CACNA1C: variants seen among roughly 807,000 people sequenced by gnomAD.
The protein encoded by CACNA1C is calcium voltage-gated channel subunit alpha1 C, also known as voltage-dependent L-type calcium channel subunit alpha-1C.
Under a neutral mutation model 229.0 loss-of-function variants are expected in CACNA1C, and 30 were observed. The observed-to-expected ratio is 0.13, with a 90% CI of 0.10 to 0.18. The LOEUF (loss-of-function observed/expected upper bound fraction) is 0.18. CACNA1C is among the 10% of genes least tolerant of loss of function. The probability of loss-of-function intolerance (pLI) is 1.00; values close to 1 mark genes in which losing one functional copy is unlikely to be tolerated. For synonymous variants in CACNA1C, 1,114 were observed against 1,132.5 expected, an observed-to-expected ratio of 0.98 and a Z score of 0.33; for missense variants, 1,658 against 2,845.0, an observed-to-expected ratio of 0.58 and a Z score of 9.49.
At chr12:2,309,345 G>A (rs1362200603) in intron 3 of CACNA1C, among the ~76,000 whole-genome samples, 1 of 152,156 alleles carries the variant, frequency 6.6e-6, no homozygotes, top group East Asian at 1.9e-4. Flanking sequence ...AGGGGCTTGG[G>A]GGAAGAGGTA....
At chr12:2,343,452 C>T (rs547303139) in intron 3 of CACNA1C, among the ~76,000 whole-genome samples, 5 of 152,156 alleles carry the variant, frequency 3.3e-5, no homozygotes, top group African/African-American at 7.2e-5. Context: ...ACAAGATGCC[C>T]AGCTGGATTT....
chr12:2,416,311 G>A (rs967425310), intron 3 of CACNA1C, among the ~76,000 whole-genome samples: 4 of 152,038 alleles, frequency 2.6e-5, no homozygotes, highest in Non-Finnish European at 4.4e-5. Context: ...AGGCACATTG[G>A]AGATGCTCTA....
intron 3 of CACNA1C, among the ~76,000 whole-genome samples, chr12:2,271,829 G>A (rs1444908211): frequency 1.3e-5 from 2 of 152,128 alleles, no homozygotes; most frequent in Non-Finnish European, 2.9e-5. Context: ...CCAGGAGTTT[G>A]AGGCTGCAGT....
chr12:2,309,982 T>G lies in CACNA1C; in HGVS notation c.478-138994T>G, dbSNP rs186759423. On this transcript the variant is annotated intron_variant, in intron 3 of 46. Transcript: ENST00000399655. ...GCATTTTCAGCAGGGAGCAGTCTGGTAACACCCTAGTACTACCTGTAGTCA... is the reference window on the plus strand; with the variant it reads ...GCATTTTCAGCAGGGAGCAGTCTGGGAACACCCTAGTACTACCTGTAGTCA... 2.2e-3 allele frequency among the ~76,000 whole-genome samples: 331 copies of G among 152,340 alleles called. 1 individual carries two copies. Among genetic ancestry groups the G allele is most frequent in the African/African-American group, 7.7e-3 (321 of 41,572 alleles).
chr12:2,608,768 T>G lies in CACNA1C; in HGVS notation c.3558+56T>G, dbSNP rs1173634458. On this transcript the variant is annotated intron_variant, in intron 27 of 46. Transcript: ENST00000399655. The surrounding 1 kb of genome is among the most constrained non-coding windows in gnomAD (Gnocchi z 4.2). ...GGGGCCCACGGAGGGAATGGCAGCC[T>G]GCGGCCCACCCCGCAGAGGGGCTGC... 5 of 1,569,574 alleles carry G rather than the reference T, an allele frequency of 3.2e-6. No homozygotes were observed. The highest frequency in any genetic ancestry group is 3.5e-6 in the Non-Finnish European group (4 of 1,145,916).
intron 29 of CACNA1C, among the ~76,000 whole-genome samples, chr12:2,624,235 C>T (rs1046568450): frequency 2.0e-5 from 3 of 152,150 alleles, no homozygotes; most frequent in African/African-American, 7.2e-5. Flanking sequence ...CACCATGATT[C>T]GGGGAGGTAA....
intron 3 of CACNA1C, among the ~76,000 whole-genome samples, chr12:2,373,502 C>G (rs2097925968): frequency 6.6e-6 from 1 of 152,088 alleles, no homozygotes; most frequent in Non-Finnish European, 1.5e-5. Context: ...CTGGGACAAG[C>G]TAGAGAGAGG....
chr12:2,278,426 A>T (rs2154431998), intron 3 of CACNA1C, among the ~76,000 whole-genome samples: 1 of 150,692 alleles, frequency 6.6e-6, no homozygotes, highest in African/African-American at 2.4e-5. Context: ...CCTCCTCCCC[A>T]CCCCTGCTAT....
chr12:2,393,858 C>T (rs976681244), intron 3 of CACNA1C, among the ~76,000 whole-genome samples: 1 of 151,682 alleles, frequency 6.6e-6, no homozygotes, highest in Non-Finnish European at 1.5e-5. Flanking sequence ...GTAATTCCAG[C>T]ACTTTGGGAG....
chr12:1,972,017 C>A (rs1229278594), intron 1 of CACNA1C, among the ~76,000 whole-genome samples: 1 of 152,182 alleles, frequency 6.6e-6, no homozygotes, highest in Non-Finnish European at 1.5e-5. Context: ...TTTAAATAGG[C>A]AGGACATCTG....
chr12:2,439,050 G>A (rs2099188454), intron 3 of CACNA1C, among the ~76,000 whole-genome samples: 1 of 152,204 alleles, frequency 6.6e-6, no homozygotes, highest in African/African-American at 2.4e-5. Context: ...TGCCCCCAAA[G>A]AAGAGGTAAT....
intron 5 of CACNA1C, among the ~76,000 whole-genome samples, chr12:2,476,909 C>T (rs2099632436): frequency 6.6e-6 from 1 of 152,216 alleles, no homozygotes; most frequent in Non-Finnish European, 1.5e-5. Flanking sequence ...GGAAAGCTAT[C>T]CAGGCAATAG....
intron 11 of CACNA1C, among the ~76,000 whole-genome samples, chr12:2,561,638 A>G (rs1470569098): frequency 6.6e-6 from 1 of 152,246 alleles, no homozygotes; most frequent in Non-Finnish European, 1.5e-5. Context: ...GGTAGCTGGG[A>G]GGACTTGCCT....
chr12:2,606,994 A>G lies in CACNA1C; in HGVS notation c.3220A>G (p.Ile1074Val), dbSNP rs786205779. Residue 1074 changes from isoleucine (I) to valine (V), a missense_variant, in exon 26 of 47, where the codon ATC (isoleucine) becomes GTC (valine). Around this residue, in one of 20 missense-constraint regions of CACNA1C, gnomAD observed 77 missense variants for 130.9 expected, o/e 0.59. Coordinates refer to ENST00000399655, the MANE Select transcript of CACNA1C (RefSeq NM_000719.7). Reference protein sequence around the residue: ...QTEAECKGNYITYKDGEVDHP... With the variant: ...QTEAECKGNYVTYKDGEVDHP... Reference sequence around the variant, plus strand: ...CTCCTCCTCTCTCAGGGGCAACTACATCACGTACAAAGACGGGGAGGTTGA... The same window carrying G: ...CTCCTCCTCTCTCAGGGGCAACTACGTCACGTACAAAGACGGGGAGGTTGA... 5.0e-6 allele frequency: 8 copies of G among 1,613,846 alleles called. No homozygotes were observed. The African/African-American group carries it at 5.3e-5, about 11-fold the overall frequency.
chr12:2,353,928 G>A (rs910749077), intron 3 of CACNA1C, among the ~76,000 whole-genome samples: 3 of 152,218 alleles, frequency 2.0e-5, no homozygotes, highest in African/African-American at 7.2e-5. Context: ...GCCATCAGCA[G>A]TGGGCCTTCT....
intron 39 of CACNA1C, 22 bp downstream of exon 39, chr12:2,674,664 G>A (rs775798309): frequency 1.9e-5 from 29 of 1,540,190 alleles, no homozygotes; most frequent in Non-Finnish European, 2.5e-5. Context: ...CTGGACTCCC[G>A]CACCTTGGCC....
In CACNA1C at chr12:2,678,662, G is replaced by A. The variant is rs757350139; in HGVS notation, c.5092-782G>A. On this transcript the variant is annotated intron_variant, in intron 41 of 46. Coordinates refer to ENST00000399655, the MANE Select transcript of CACNA1C (RefSeq NM_000719.7). This position sits in a 1 kb window ranked among gnomAD's most constrained non-coding sequence, Gnocchi z 4.1. The stretch of plus-strand genomic sequence containing the variant: ...GCTGAGCCCATCCTGCCCCTGCTCC[G>A]TCTCTTCCTCATCCTTATTCTTGTC... Among the ~76,000 whole-genome samples, 26 of 152,126 alleles carry A rather than the reference G, an allele frequency of 1.7e-4. No homozygotes were observed. The highest frequency in any genetic ancestry group is 8.5e-4 in the Admixed American group (13 of 15,268).
intron 1 of CACNA1C, among the ~76,000 whole-genome samples, chr12:2,000,657 C>T (rs1372712122): frequency 2.6e-5 from 4 of 152,174 alleles, no homozygotes; most frequent in African/African-American, 9.7e-5. Flanking sequence ...TTTCAGTAAT[C>T]ACAACCTGGG....
chr12:2,641,640 T>C (rs981476562), intron 30 of CACNA1C: 26 of 691,408 alleles, frequency 3.8e-5, no homozygotes, highest in South Asian at 3.6e-4. Context: ...ATGAAGTGAT[T>C]CCAGCACAGT....
Sources: gnomAD v4.1 joint callset for allele counts (sites outside exome capture counted in the v4.1 genomes callset) on GRCh38, gnomAD v4.1.1 for gene constraint, gnomAD v4.1.1 regional missense constraint, Gnocchi (gnomAD v3.1) non-coding constraint, MANE v1.5 for transcripts, NCBI Gene and HGNC (gene_info 2026-07-23, HGNC 2026-07-21) for gene names.